Variants in SLC43A1 observed in about 807,000 individuals in gnomAD.
SLC43A1 encodes the protein large neutral amino acids transporter small subunit 3.
SLC43A1 carries 31 observed loss-of-function variants against 59.5 expected under a neutral mutation model. The observed-to-expected ratio is 0.52, with a 90% confidence interval of 0.39 to 0.70. The LOEUF (loss-of-function observed/expected upper bound fraction) is 0.70. Among genes scored for constraint, SLC43A1 ranks in the 30% least tolerant of loss-of-function variants. The probability of loss-of-function intolerance (pLI) is 0.00; values close to 1 mark genes in which losing one functional copy is unlikely to be tolerated. For missense variants in SLC43A1, 598 were observed against 717.8 expected, an observed-to-expected ratio of 0.83 and a Z score of 1.91; for synonymous variants, 259 against 290.9, an observed-to-expected ratio of 0.89 and a Z score of 1.12.
At position 57,496,115 on chromosome 11, in the gene SLC43A1, G is replaced by A; in HGVS notation, c.608C>T (p.Ser203Phe). The change falls in exon 7 of 15, where the codon TCT (serine) becomes TTT (phenylalanine). Residue 203 changes from serine to phenylalanine, a missense_variant. Physicochemically the swap from Ser to Phe is radical, Grantham distance 155. Transcript: ENST00000278426. ...CAGAAAGATAAGGCAGGCCAGGCCA[G>A]ACCAGGTGAACATGATGACCACGAA... is the stretch of plus-strand genomic sequence containing the variant. ...VAFVVIMFTW[S>F]GLACLIFLNC... 2 of 1,614,164 alleles carry A rather than the reference G, an allele frequency of 1.2e-6. No homozygotes were observed. The highest frequency in any genetic ancestry group is 1.7e-6 in the Non-Finnish European group (2 of 1,180,040).
rs1336284633 is a variant in SLC43A1 at position 57,514,685 on chromosome 11, TAC to T, written c.-13-563_-13-562del. 6.1e-6 allele frequency: 2 copies of T among 327,586 alleles called. No homozygotes were observed. The highest frequency in any genetic ancestry group is 8.8e-6 in the Non-Finnish European group (2 of 228,300). 20.3% of individuals were successfully genotyped at this position (327,586 alleles called of 1,614,324 possible). ...TTCCGTATCAGGTGACCCACGACCC[TAC>T]AGTCTCTCGGGCCAAGCCAACAGCT... On this transcript the variant is annotated intron_variant, in intron 1 of 14. Transcript: ENST00000278426. The surrounding 1 kb of genome is among the most constrained non-coding windows in gnomAD (Gnocchi z 5.5).
At position 57,484,864 on chromosome 11, in the gene SLC43A1, C is replaced by T. The variant is rs972982748; in HGVS notation, c.*232G>A. ...ACCCAAGGAGGAAGAAGGCTCAACC[C>T]CTCTAGGATAGGGACTGTCTTCAGT... is the stretch of plus-strand genomic sequence containing the variant. On this transcript the variant is annotated 3_prime_UTR_variant, in exon 15 of 15. Coordinates refer to ENST00000278426, the MANE Select transcript of SLC43A1 (RefSeq NM_003627.6). 4.5e-6 allele frequency: 2 copies of T among 441,198 alleles called. No homozygotes were observed. Among genetic ancestry groups the T allele is most frequent in the Non-Finnish European group, 7.9e-6 (2 of 252,486 alleles). The allele number at this position is 441,198 out of a possible 1,614,324, so 27.3% of individuals were successfully genotyped here. A position where few individuals can be genotyped will look rare whatever the true frequency, so the allele number is the denominator to read the frequency against.
At chr11:57,492,242 G>T (rs899964704) in intron 8 of SLC43A1, among the ~76,000 whole-genome samples, 5 of 132,516 alleles carry the variant, frequency 3.8e-5, no homozygotes, top group African/African-American at 1.4e-4. Context: ...TTTATATACA[G>T]AAATTATATA....
chr11:57,511,848 C>T (rs59972624), intron 2 of SLC43A1, among the ~76,000 whole-genome samples: 12,904 of 152,150 alleles, frequency 0.085, 604 homozygotes, highest in African/African-American at 0.11. Context: ...GTAAATCTAA[C>T]TTTTATCACA....
At position 57,500,780 on chromosome 11, in the gene SLC43A1, G is replaced by A. The variant is rs773942745; in HGVS notation, c.464C>T (p.Thr155Met). ...CCAGGCCAGGCCTGTGACACTCACC[G>A]TGAGTGAAGTGAACGTTAGGCAGAT... Reference protein sequence around the residue: ...GGICLTFTSLTLPNMFGNLRS... With the variant: ...GGICLTFTSLMLPNMFGNLRS... Residue 155 changes from threonine to methionine, a missense_variant and splice_region_variant, in exon 5 of 15, where the codon ACG becomes ATG. Transcript: ENST00000278426. 18 of 1,613,870 alleles carry A rather than the reference G, an allele frequency of 1.1e-5. No individual in the cohort carries two copies. Among genetic ancestry groups the A allele is most frequent in the Admixed American group, 5.0e-5 (3 of 60,000 alleles).
rs775726662 is a variant in SLC43A1, at chr11:57,491,346, G to A, written c.1071C>T (p.Ser357=). ...KVAETVGFYS[S]VFGAMQLLCL... ...ACAACAGCTGCATGGCCCCGAAGAC[G>A]GAGGAGTAGAACCCAACTGGGCAGG... is the stretch of plus-strand genomic sequence containing the variant. The change falls in exon 11 of 15, where the codon TCC becomes TCT. Residue 357 remains serine, a synonymous_variant. Coordinates refer to ENST00000278426, the MANE Select transcript of SLC43A1 (RefSeq NM_003627.6). The A allele has an allele frequency of 6.5e-5, 104 of 1,598,796 alleles. No homozygotes were observed. The South Asian group carries it at 7.1e-4, about 11-fold the overall frequency.
intron 2 of SLC43A1, among the ~76,000 whole-genome samples, chr11:57,502,884 AAAAAGAAAAG>A (rs988071111): frequency 4.6e-5 from 7 of 151,764 alleles, no homozygotes; most frequent in Non-Finnish European, 7.4e-5. Context: ...AAAAAAAAAA[AAAAAGAAAAG>A]AAAAGAAAAG....
chr11:57,498,207 G>A (rs926289100), intron 5 of SLC43A1, among the ~76,000 whole-genome samples: 8 of 152,162 alleles, frequency 5.3e-5, no homozygotes, highest in Non-Finnish European at 8.8e-5. Flanking sequence ...TTGGGAAGCC[G>A]AAGCTGGTGG....
chr11:57,505,945 C>T (rs989702081), intron 2 of SLC43A1, among the ~76,000 whole-genome samples: 2 of 152,130 alleles, frequency 1.3e-5, no homozygotes, highest in Non-Finnish European at 2.9e-5. Context: ...ACACACACAG[C>T]GAACACTCAC....
At chr11:57,499,110 C>A (rs1017651507) in intron 5 of SLC43A1, among the ~76,000 whole-genome samples, 4 of 152,060 alleles carry the variant, frequency 2.6e-5, no homozygotes, top group Non-Finnish European at 4.4e-5. Context: ...ATTGCCTGAG[C>A]TCAGGAGTTC....
Position 57,484,863 on chromosome 11 carries a change from C to G in SLC43A1, c.*233G>C. The G allele has an allele frequency of 2.3e-6, 1 of 425,844 alleles. No individual in the cohort carries two copies. Among genetic ancestry groups the G allele is most frequent in the South Asian group, 3.7e-5 (1 of 26,690 alleles). 26.4% of individuals were successfully genotyped at this position (425,844 alleles called of 1,614,324 possible). On this transcript the variant is annotated 3_prime_UTR_variant, in exon 15 of 15. Transcript: ENST00000278426. Reference sequence around the variant, plus strand: ...AACCCAAGGAGGAAGAAGGCTCAACCCCTCTAGGATAGGGACTGTCTTCAG... The same window carrying G: ...AACCCAAGGAGGAAGAAGGCTCAACGCCTCTAGGATAGGGACTGTCTTCAG...
intron 2 of SLC43A1, 75 bp from the exon 3 acceptor site, chr11:57,501,404 A>AGGC (rs747637533): frequency 2.0e-6 from 3 of 1,511,894 alleles, no homozygotes; most frequent in African/African-American, 2.7e-5. Flanking sequence ...GCCCACAGTC[A>AGGC]GGCGGCCTGC....
At chr11:57,496,919 C>T (rs1400490485) in intron 6 of SLC43A1, among the ~76,000 whole-genome samples, 11 of 152,158 alleles carry the variant, frequency 7.2e-5, no homozygotes, top group Admixed American at 6.5e-5. Context: ...ACCTTGGTGC[C>T]TTTTCCTCCC....
At chr11:57,490,945 A>G (rs936077729) in intron 11 of SLC43A1, among the ~76,000 whole-genome samples, 2 of 152,240 alleles carry the variant, frequency 1.3e-5, no homozygotes, top group Non-Finnish European at 2.9e-5. Flanking sequence ...CCTCAACTGC[A>G]AAATGAAGAT....
At chr11:57,492,720 CCT>C (rs1355283178) in intron 8 of SLC43A1, among the ~76,000 whole-genome samples, 2 of 111,678 alleles carry the variant, frequency 1.8e-5, no homozygotes, top group Non-Finnish European at 3.6e-5. Flanking sequence ...ACAGCAATAC[CCT>C]GTCTCTATTT....
At chr11:57,494,229 G>A (rs1944013177) in intron 7 of SLC43A1, 58 bp from the exon 8 acceptor site, 24 of 1,537,664 alleles carry the variant, frequency 1.6e-5, no homozygotes, top group South Asian at 3.6e-5. Flanking sequence ...CACCTTCAAC[G>A]GCCTAGTGCT....
chr11:57,487,244 G>T, intron 13 of SLC43A1, 26 bp from the exon 14 acceptor site: 2 of 1,607,604 alleles, frequency 1.2e-6, no homozygotes, highest in Non-Finnish European at 1.7e-6. Flanking sequence ...GGAGTATCAG[G>T]GGTGTGTGGC....
In SLC43A1 at chr11:57,501,059, G is replaced by A. The variant is rs1374042263; in HGVS notation, c.333-16C>T. 6.2e-7 allele frequency: 1 copy of A among 1,606,000 alleles called. No homozygotes were observed. Among genetic ancestry groups the A allele is most frequent in the Admixed American group, 1.7e-5 (1 of 58,564 alleles). ...GAAGCAGGCACTGTGGAGACACAGGGAAGGGCGAGGGGTTGGCCTGTGAGC... is the reference window on the plus strand; with the variant it reads ...GAAGCAGGCACTGTGGAGACACAGGAAAGGGCGAGGGGTTGGCCTGTGAGC... On this transcript the variant is annotated splice_polypyrimidine_tract_variant and intron_variant, in intron 3 of 14. Coordinates refer to ENST00000278426, the MANE Select transcript of SLC43A1 (RefSeq NM_003627.6).
Position 57,500,875 on chromosome 11 carries a change from A to G in SLC43A1, c.389-20T>C, listed in dbSNP as rs1471103688. On this transcript the variant is annotated intron_variant, in intron 4 of 14. Coordinates refer to ENST00000278426, the MANE Select transcript of SLC43A1 (RefSeq NM_003627.6). ...ACAGAGCTGGAAAGGGGAAAGCAGC[A>G]GATGAGGGCATTTGGGGAGCTGTGG... 6.2e-7 allele frequency: 1 copy of G among 1,613,680 alleles called. No individual in the cohort carries two copies. The highest frequency in any genetic ancestry group is 1.3e-5 in the African/African-American group (1 of 74,934).
Sources: allele counts gnomAD v4.1 joint callset (sites outside exome capture counted in the v4.1 genomes callset), GRCh38; gene constraint gnomAD v4.1.1; non-coding constraint Gnocchi (gnomAD v3.1); transcripts MANE v1.5; gene names NCBI Gene and HGNC (gene_info 2026-07-23, HGNC 2026-07-21).